Variants in PDE8B observed in about 807,000 individuals in gnomAD.
The protein encoded by PDE8B is high affinity cAMP-specific and IBMX-insensitive 3',5'-cyclic phosphodiesterase 8B.
Under a neutral mutation model 101.3 loss-of-function variants are expected in PDE8B, and 26 were observed. The observed-to-expected ratio is 0.26, with a 90% CI of 0.19 to 0.36. The LOEUF is 0.36. Ranked by LOEUF, PDE8B falls within the 10% of genes least tolerant of loss-of-function variation. PDE8B has a pLI of 1.00. For synonymous variants in PDE8B, 424 were observed against 429.3 expected, an observed-to-expected ratio of 0.99 and a Z score of 0.15; for missense variants, 810 against 1,163.1, an observed-to-expected ratio of 0.70 and a Z score of 4.42.
the PDE8B span, chr5:77,146,776 A>G: frequency 1.6e-5 from 5 of 315,948 alleles, no homozygotes. Context: ...AAGGCTCGTT[A>G]TGAAAGACAG....
chr5:77,259,532 C>G (rs1162104184), intron 1 of PDE8B, among the ~76,000 whole-genome samples: 2 of 152,198 alleles, frequency 1.3e-5, no homozygotes, highest in African/African-American at 4.8e-5. Context: ...GCCAGCCTCT[C>G]CTCCAGCAAG....
At chr5:77,388,734 C>T (rs1052642993) in intron 10 of PDE8B, among the ~76,000 whole-genome samples, 2 of 152,186 alleles carry the variant, frequency 1.3e-5, no homozygotes, top group Admixed American at 1.3e-4. Context: ...AAGTCCCTGA[C>T]TGGGAATGCT....
At chr5:77,245,833 A>ACCCCC (rs1561407118) in intron 1 of PDE8B, among the ~76,000 whole-genome samples, 1 of 23,838 alleles carries the variant, frequency 4.2e-5, no homozygotes, top group Non-Finnish European at 6.9e-5. Context: ...CTCTCCTATA[A>ACCCCC]CCTCCTCCCC....
In PDE8B at chr5:77,413,179, A is replaced by G; in HGVS notation, c.1781A>G (p.Glu594Gly). 6.2e-7 allele frequency: 1 copy of G among 1,613,938 alleles called. No individual in the cohort carries two copies. Residue 594 changes from glutamate (E) to glycine (G), a missense_variant, in exon 17 of 22, where the codon GAA becomes GGA. By Grantham distance (98) the Glu-to-Gly change is moderately conservative. This residue lies in a region of PDE8B where 325 missense variants were observed against 560.9 expected (regional missense o/e 0.58). Coordinates refer to ENST00000264917, the MANE Select transcript of PDE8B (RefSeq NM_003719.5). ...GTATGTGAATTTTTAAACTGTTCTG[A>G]AACCACTCTTCGGGCCTGGTTCCAA... ...FGVCEFLNCS[E>G]TTLRAWFQVI...
chr5:77,400,125 T>A, intron 10 of PDE8B, 123 bp from the exon 11 acceptor site: 1 of 735,312 alleles, frequency 1.4e-6, no homozygotes. Flanking sequence ...TCATATTATA[T>A]GTGCAGCTTC....
chr5:77,106,797 T>A, the PDE8B span, among the ~76,000 whole-genome samples: 1 of 152,152 alleles, frequency 6.6e-6, no homozygotes, highest in Non-Finnish European at 1.5e-5. Flanking sequence ...GTTTTCAGTG[T>A]ACAGATCTTA....
chr5:77,271,952 G>A (rs994970408), intron 1 of PDE8B, among the ~76,000 whole-genome samples: 1 of 152,168 alleles, frequency 6.6e-6, no homozygotes, highest in East Asian at 1.9e-4. Flanking sequence ...TCAAAGTGTG[G>A]TCCTCGGAAC....
At chr5:77,355,027 G>A (rs918129195) in intron 10 of PDE8B, among the ~76,000 whole-genome samples, 1 of 152,214 alleles carries the variant, frequency 6.6e-6, no homozygotes, top group Non-Finnish European at 1.5e-5. Context: ...TGCCCACACT[G>A]CCTGGCATGT....
At chr5:77,141,501 C>G in the PDE8B span, 2 of 152,150 alleles carry the variant, frequency 1.3e-5, no homozygotes, top group Non-Finnish European at 1.5e-5. Flanking sequence ...GATTTAAACT[C>G]TATGGGGCAT....
chr5:77,372,580 TAAG>T (rs1383258003), intron 10 of PDE8B, among the ~76,000 whole-genome samples: 7 of 152,260 alleles, frequency 4.6e-5, no homozygotes, highest in African/African-American at 1.2e-4. Context: ...AGATTTTTCA[TAAG>T]AAGATCTTTT....
intron 6 of PDE8B, among the ~76,000 whole-genome samples, chr5:77,340,600 A>AGTGTGTGTGTGTGTGT (rs34764404): frequency 9.5e-4 from 133 of 140,168 alleles, no homozygotes; most frequent in South Asian, 2.5e-3. Flanking sequence ...GCAGCCTCAC[A>AGTGTGTGTGTGTGTGT]GTGTGTGTGT....
intron 1 of PDE8B, among the ~76,000 whole-genome samples, chr5:77,294,089 C>G (rs1364062881): frequency 6.6e-6 from 1 of 152,070 alleles, no homozygotes; most frequent in Non-Finnish European, 1.5e-5. Flanking sequence ...ATGGATCCTG[C>G]TCTGTAGTAT....
chr5:77,358,824 G>A (rs1024289788), intron 10 of PDE8B, among the ~76,000 whole-genome samples: 1 of 152,150 alleles, frequency 6.6e-6, no homozygotes, highest in African/African-American at 2.4e-5. Context: ...TGTATTTTAT[G>A]TAATTGGAAT....
At chr5:77,279,330 T>G (rs1764490613) in intron 1 of PDE8B, among the ~76,000 whole-genome samples, 1 of 152,220 alleles carries the variant, frequency 6.6e-6, no homozygotes. Flanking sequence ...TTTTATGCTG[T>G]ATCTTGCCTT....
chr5:77,166,536 G>A, the PDE8B span: 1 of 152,200 alleles, frequency 6.6e-6, no homozygotes, highest in African/African-American at 2.4e-5. Context: ...CTGGAATAAT[G>A]ACGCCTATCT....
intron 16 of PDE8B, 109 bp from the exon 17 acceptor site, chr5:77,413,002 G>T (rs1000951524): frequency 1.1e-5 from 10 of 884,442 alleles, no homozygotes; most frequent in Non-Finnish European, 1.9e-5. Flanking sequence ...CCCTGTGTGT[G>T]TGAAGCTATC....
At chr5:77,117,434 T>G in the PDE8B span, among the ~76,000 whole-genome samples, 2 of 152,194 alleles carry the variant, frequency 1.3e-5, no homozygotes, top group East Asian at 1.9e-4. Context: ...TGCCTGGTAC[T>G]TGGATAGGAC....
At chr5:77,254,897 A>T (rs1010787027) in intron 1 of PDE8B, among the ~76,000 whole-genome samples, 1 of 152,202 alleles carries the variant, frequency 6.6e-6, no homozygotes, top group Admixed American at 6.5e-5. Flanking sequence ...GGTTGTTTTA[A>T]ATAAATGGAA....
intron 1 of PDE8B, among the ~76,000 whole-genome samples, chr5:77,301,649 A>G (rs144877861): frequency 1.4e-3 from 209 of 152,352 alleles, no homozygotes; most frequent in African/African-American, 4.3e-3. Context: ...TCTCTAATAA[A>G]AGGAAGGAAG....
Sources: gnomAD v4.1 joint callset for allele counts (sites outside exome capture counted in the v4.1 genomes callset) on GRCh38, gnomAD v4.1.1 for gene constraint, gnomAD v4.1.1 regional missense constraint, MANE v1.5 for transcripts, NCBI Gene and HGNC (gene_info 2026-07-23, HGNC 2026-07-21) for gene names.